IQGAP2: variants seen among roughly 807,000 people sequenced by gnomAD.
The protein encoded by IQGAP2 is ras GTPase-activating-like protein IQGAP2.
IQGAP2 carries 173 observed loss-of-function variants against 201.3 expected under a neutral mutation model. The observed-to-expected ratio is 0.86, with a 90% CI of 0.76 to 0.98. The LOEUF (loss-of-function observed/expected upper bound fraction) is 0.98. Among genes scored for constraint, IQGAP2 ranks in the 50% least tolerant of loss-of-function variants. The pLI is 0.00. For synonymous variants in IQGAP2, 675 were observed against 673.9 expected (o/e 1.00, Z -0.03); for missense variants, 1,687 against 1,864.8 (o/e 0.90, Z 1.76).
chr5:76,403,619 TG>T lies in IQGAP2; in HGVS notation c.46+29del. On this transcript the variant is annotated intron_variant, in intron 1 of 35. Coordinates refer to ENST00000274364, the MANE Select transcript of IQGAP2 (RefSeq NM_006633.5). The surrounding 1 kb of genome is among the most constrained non-coding windows in gnomAD (Gnocchi z 4.8). ...AAGTGCGCCGGGCGCGCGGGGTTCC[TG>T]CTGGCCTTGGGGAGCTCCCTCCCCG... 6.6e-7 allele frequency: 1 copy of T among 1,507,922 alleles called. No individual in the cohort carries two copies. The highest frequency in any genetic ancestry group is 1.2e-5 in the South Asian group (1 of 80,268). 93.4% of individuals were successfully genotyped at this position (1,507,922 alleles called of 1,614,324 possible).
chr5:76,649,530 C>T (rs1005233235), intron 17 of IQGAP2, among the ~76,000 whole-genome samples: 3 of 152,186 alleles, frequency 2.0e-5, no homozygotes, highest in Non-Finnish European at 4.4e-5. Context: ...ATACATTTTT[C>T]TACTCTTGAG....
intron 2 of IQGAP2, among the ~76,000 whole-genome samples, chr5:76,493,149 G>A (rs1657359506): frequency 6.6e-6 from 1 of 152,002 alleles, no homozygotes. Flanking sequence ...TTCTCAACAT[G>A]GCAGCCAGGG....
chr5:76,674,686 A>G lies in IQGAP2; in HGVS notation c.3504A>G (p.Leu1168=). ...NEHLSSMNNY[L]SETYQEFRKY... ...ATCTCTCATCTATGAACAATTATTT[A>G]TCAGAGACGTATCAGGAATTCAGGT... is the stretch of plus-strand genomic sequence containing the variant. Residue 1168 remains leucine, a synonymous_variant, in exon 27 of 36, where the codon TTA becomes TTG. Transcript: ENST00000274364. The G allele has an allele frequency of 1.2e-6, 2 of 1,613,594 alleles. No individual in the cohort carries two copies. The highest frequency in any genetic ancestry group is 1.7e-6 in the Non-Finnish European group (2 of 1,179,470).
intron 17 of IQGAP2, among the ~76,000 whole-genome samples, chr5:76,649,911 C>T (rs1752378687): frequency 6.6e-6 from 1 of 152,238 alleles, no homozygotes; most frequent in Non-Finnish European, 1.5e-5. Context: ...GCATTCTATG[C>T]ACCCACAGGC....
intron 1 of IQGAP2, among the ~76,000 whole-genome samples, chr5:76,450,686 T>C (rs1753686782): frequency 6.6e-6 from 1 of 152,170 alleles, no homozygotes; most frequent in East Asian, 1.9e-4. Flanking sequence ...ATATGCAGTG[T>C]TTTATGACTT....
At position 76,701,233 on chromosome 5, in the gene IQGAP2, T is replaced by A; in HGVS notation, c.4505+20T>A. 1 of 1,612,700 alleles carries A rather than the reference T, an allele frequency of 6.2e-7. No individual in the cohort carries two copies. The highest frequency in any genetic ancestry group is 1.3e-5 in the African/African-American group (1 of 75,062). On this transcript the variant is annotated intron_variant, in intron 34 of 35. Transcript: ENST00000274364. ...AAACCAGTAAGTGTGACCTGGAATC[T>A]GCATAGAACACGCATGCCATTTGAT...
intron 2 of IQGAP2, among the ~76,000 whole-genome samples, chr5:76,508,717 G>A (rs1371407098): frequency 6.7e-6 from 1 of 148,934 alleles, no homozygotes; most frequent in African/African-American, 2.5e-5. Context: ...TTTTTTTAAA[G>A]ATCACGTGAG....
At chr5:76,442,326 A>T (rs1753093422) in intron 1 of IQGAP2, among the ~76,000 whole-genome samples, 1 of 152,262 alleles carries the variant, frequency 6.6e-6, no homozygotes, top group Non-Finnish European at 1.5e-5. Context: ...AACTTCTAAT[A>T]GTCTGATCTC....
rs547155944 is a variant in IQGAP2, at chr5:76,644,295, C to CTT, written c.2094+3213_2094+3214dup. 1.7e-3 allele frequency among the ~76,000 whole-genome samples: 79 copies of CTT among 47,778 alleles called. 13 individuals carry two copies. The highest frequency in any genetic ancestry group is 2.7e-3 in the African/African-American group (38 of 13,862). The allele number at this position is 47,778 out of a possible 152,430, so 31.3% of individuals were successfully genotyped here. ...AATGAGACTGCCATTTTTGTAAATC[C>CTT]TTTTTTTTTTTTTTTTTTTTTTGAG... On this transcript the variant is annotated intron_variant, in intron 17 of 35. Transcript: ENST00000274364.
At chr5:76,455,048 C>G (rs1753994136) in intron 1 of IQGAP2, among the ~76,000 whole-genome samples, 1 of 152,118 alleles carries the variant, frequency 6.6e-6, no homozygotes, top group Non-Finnish European at 1.5e-5. Context: ...TATTCTTATT[C>G]AGATTTACAC....
chr5:76,592,819 T>C lies in IQGAP2; in HGVS notation c.820-19T>C, dbSNP rs762916784. On this transcript the variant is annotated intron_variant, in intron 8 of 35. Coordinates refer to ENST00000274364, the MANE Select transcript of IQGAP2 (RefSeq NM_006633.5). ...TATTTTATTTAACCTCAGAAATCAG[T>C]GAAGACTTTGTTTTGCAGAATAGCT... is the stretch of plus-strand genomic sequence containing the variant. 3 of 1,501,492 alleles carry C rather than the reference T, an allele frequency of 2.0e-6. No individual in the cohort carries two copies. The highest frequency in any genetic ancestry group is 1.4e-5 in the African/African-American group (1 of 72,544). The allele number at this position is 1,501,492 out of a possible 1,614,324, so 93.0% of individuals were successfully genotyped here. A position where few individuals can be genotyped will look rare whatever the true frequency, so the allele number is the denominator to read the frequency against.
chr5:76,703,602 A>T (rs1561614868), intron 35 of IQGAP2, among the ~76,000 whole-genome samples: 1 of 151,532 alleles, frequency 6.6e-6, no homozygotes, highest in African/African-American at 2.4e-5. Context: ...CATAAGAGCC[A>T]CATTTAAGCC....
At chr5:76,659,249 A>G (rs1305906161) in intron 21 of IQGAP2, among the ~76,000 whole-genome samples, 1 of 152,234 alleles carries the variant, frequency 6.6e-6, no homozygotes, top group Non-Finnish European at 1.5e-5. Flanking sequence ...GTACTGATGT[A>G]TATACCTTCA....
At chr5:76,568,162 C>T (rs12523647) in intron 3 of IQGAP2, among the ~76,000 whole-genome samples, 10,699 of 152,180 alleles carry the variant, frequency 0.07, 803 homozygotes, top group East Asian at 0.43. Flanking sequence ...ACATGAATCA[C>T]AGGATTCTGA....
chr5:76,545,435 T>A (rs1200029300), intron 2 of IQGAP2, among the ~76,000 whole-genome samples: 1 of 152,220 alleles, frequency 6.6e-6, no homozygotes, highest in African/African-American at 2.4e-5. Context: ...GGGCACATGG[T>A]GGACTCTGGT....
chr5:76,676,651 T>C (rs1744848355), intron 27 of IQGAP2, among the ~76,000 whole-genome samples: 1 of 152,202 alleles, frequency 6.6e-6, no homozygotes, highest in African/African-American at 2.4e-5. Context: ...TCCTGGGACA[T>C]GTTATGTATT....
At chr5:76,495,581 C>T (rs1389293957) in intron 2 of IQGAP2, among the ~76,000 whole-genome samples, 1 of 152,114 alleles carries the variant, frequency 6.6e-6, no homozygotes, top group Non-Finnish European at 1.5e-5. Flanking sequence ...TCTTGAGTCA[C>T]TATAAAGAAA....
chr5:76,680,051 C>T (rs565484686), intron 28 of IQGAP2, among the ~76,000 whole-genome samples: 4 of 152,270 alleles, frequency 2.6e-5, no homozygotes, highest in African/African-American at 9.6e-5. Context: ...AAAAATTTAG[C>T]ATCAAACAGA....
intron 2 of IQGAP2, among the ~76,000 whole-genome samples, chr5:76,551,956 C>T (rs1743580951): frequency 1.3e-5 from 2 of 151,782 alleles, no homozygotes; most frequent in Non-Finnish European, 2.9e-5. Flanking sequence ...GGCAGCCTTG[C>T]TTTTGAGGCC....
Sources: gnomAD v4.1 joint callset for allele counts (sites outside exome capture counted in the v4.1 genomes callset) on GRCh38, gnomAD v4.1.1 for gene constraint, Gnocchi (gnomAD v3.1) non-coding constraint, MANE v1.5 for transcripts, NCBI Gene and HGNC (gene_info 2026-07-23, HGNC 2026-07-21) for gene names.